AIDA: variants seen among roughly 807,000 people sequenced by gnomAD.
The protein encoded by AIDA is axin interactor, dorsalization-associated protein.
A neutral mutation model predicts 42.7 loss-of-function variants in AIDA; 18 were observed. That is an observed-to-expected ratio of 0.42 (90% CI 0.29 to 0.63). The LOEUF is 0.63. Ranked by LOEUF, AIDA falls within the 20% of genes least tolerant of loss-of-function variation. The probability of loss-of-function intolerance (pLI) is 0.19; values close to 1 mark genes in which losing one functional copy is unlikely to be tolerated. For missense variants in AIDA, 250 were observed against 354.1 expected, an observed-to-expected ratio of 0.71 and a Z score of 2.36; for synonymous variants, 104 against 122.9, an observed-to-expected ratio of 0.85 and a Z score of 1.02.
intron 6 of AIDA, among the ~76,000 whole-genome samples, chr1:222,679,706 A>C (rs1044864872): frequency 6.6e-6 from 1 of 152,158 alleles, no homozygotes; most frequent in Non-Finnish European, 1.5e-5. Flanking sequence ...CATGCTTGTA[A>C]CCACCACACC....
intron 1 of AIDA, among the ~76,000 whole-genome samples, chr1:222,706,196 C>T (rs1240202212): frequency 6.6e-6 from 1 of 152,158 alleles, no homozygotes; most frequent in Non-Finnish European, 1.5e-5. Context: ...TATGAAGAGA[C>T]TGGAACCCTC....
chr1:222,701,343 A>G (rs960900682), intron 2 of AIDA, among the ~76,000 whole-genome samples: 1 of 152,212 alleles, frequency 6.6e-6, no homozygotes, highest in African/African-American at 2.4e-5. Flanking sequence ...CAGAAGTCCT[A>G]TACCTCAGCA....
At chr1:222,693,280 A>G (rs1035443319) in intron 4 of AIDA, among the ~76,000 whole-genome samples, 10 of 152,178 alleles carry the variant, frequency 6.6e-5, no homozygotes, top group Admixed American at 3.9e-4. Flanking sequence ...TGCAAAGAAC[A>G]TTCATCTAAA....
intron 4 of AIDA, among the ~76,000 whole-genome samples, chr1:222,691,781 T>C (rs551517693): frequency 6.7e-6 from 1 of 149,270 alleles, no homozygotes; most frequent in Admixed American, 6.6e-5. Flanking sequence ...CATATAGTAA[T>C]ATTTTAATAA....
intron 1 of AIDA, among the ~76,000 whole-genome samples, chr1:222,704,422 C>T (rs536077516): frequency 6.6e-6 from 1 of 152,236 alleles, no homozygotes; most frequent in South Asian, 2.1e-4. Flanking sequence ...AAATGTCCAT[C>T]AACTGATGGA....
chr1:222,680,595 T>C (rs1465442795), intron 6 of AIDA, among the ~76,000 whole-genome samples: 1 of 152,194 alleles, frequency 6.6e-6, no homozygotes, highest in African/African-American at 2.4e-5. Flanking sequence ...TACTTATTAA[T>C]ATGGTTGTAC....
At chr1:222,695,953 G>A in intron 2 of AIDA, among the ~76,000 whole-genome samples, 1 of 152,092 alleles carries the variant, frequency 6.6e-6, no homozygotes, top group East Asian at 1.9e-4. Context: ...CTGGCCCCTA[G>A]CACTTATGCA....
chr1:222,678,131 T>C (rs1367869775), intron 6 of AIDA, among the ~76,000 whole-genome samples: 1 of 152,066 alleles, frequency 6.6e-6, no homozygotes, highest in Non-Finnish European at 1.5e-5. Context: ...ATAAGGCATC[T>C]GCATGTCTTT....
rs755816474 is a variant in AIDA at position 222,687,043 on chromosome 1, A to C, written c.354-7T>G. ...ACCAGGTGCCAAAATTCTTCTACACAAAAAAAGGGCAGAAAAAACAACAAA... is the reference window on the plus strand; with the variant it reads ...ACCAGGTGCCAAAATTCTTCTACACCAAAAAAGGGCAGAAAAAACAACAAA... On this transcript the variant is annotated splice_polypyrimidine_tract_variant and splice_region_variant and intron_variant, in intron 5 of 9. Coordinates refer to ENST00000340020, the MANE Select transcript of AIDA (RefSeq NM_022831.4). 2 of 1,611,648 alleles carry C rather than the reference A, an allele frequency of 1.2e-6. No homozygotes were observed. Among genetic ancestry groups the C allele is most frequent in the South Asian group, 2.2e-5 (2 of 90,596 alleles).
At chr1:222,686,701 G>A (rs1306996195) in intron 6 of AIDA, among the ~76,000 whole-genome samples, 1 of 152,034 alleles carries the variant, frequency 6.6e-6, no homozygotes, top group East Asian at 1.9e-4. Context: ...CTTGTGAGTT[G>A]TCCTAGTGAA....
intron 4 of AIDA, among the ~76,000 whole-genome samples, chr1:222,689,592 CACAT>C (rs1179312448): frequency 1.4e-5 from 2 of 139,852 alleles, no homozygotes; most frequent in South Asian, 2.3e-4. Context: ...CACACACACA[CACAT>C]ATATATACAC....
At position 222,669,813 on chromosome 1, in the gene AIDA, G is replaced by A. The variant is rs1664412373; in HGVS notation, c.*80C>T. ...ACGGCTTGCTTCCTGCCTGTTGAAG[G>A]GTGAATATGCTACACAGAGCTATGA... On this transcript the variant is annotated 3_prime_UTR_variant, in exon 10 of 10. Coordinates refer to ENST00000340020, the MANE Select transcript of AIDA (RefSeq NM_022831.4). The A allele has an allele frequency of 1.4e-5, 19 of 1,335,372 alleles. No homozygotes were observed. In the South Asian group the frequency reaches 2.5e-4, roughly 17 times the overall value. The allele number at this position is 1,335,372 out of a possible 1,614,324, so 82.7% of individuals were successfully genotyped here. A position where few individuals can be genotyped will look rare whatever the true frequency, so the allele number is the denominator to read the frequency against.
intron 6 of AIDA, among the ~76,000 whole-genome samples, chr1:222,680,055 G>C (rs528671216): frequency 6.6e-6 from 1 of 152,162 alleles, no homozygotes; most frequent in African/African-American, 2.4e-5. Flanking sequence ...CTTTAAATAT[G>C]CACTAAAGAC....
chr1:222,676,052 T>C, intron 7 of AIDA, 44 bp downstream of exon 7: 3 of 1,528,744 alleles, frequency 2.0e-6, no homozygotes, highest in Non-Finnish European at 2.6e-6. Flanking sequence ...GAAGCAACAT[T>C]ATAAAATTCA....
Position 222,682,204 on chromosome 1 carries a change from A to G in AIDA, c.460+4726T>C, listed in dbSNP as rs896944736. Among the ~76,000 whole-genome samples the G allele has an allele frequency of 3.9e-4, 59 of 152,082 alleles. 1 individual carries two copies. Among genetic ancestry groups the G allele is most frequent in the African/African-American group, 1.4e-3 (59 of 41,414 alleles). On this transcript the variant is annotated intron_variant, in intron 6 of 9. Transcript: ENST00000340020. Reference sequence around the variant, plus strand: ...ATTGCTACTGTTTACATCATATACCACCACCAAAGGAAAATTTTTCTTTTG... The same window carrying G: ...ATTGCTACTGTTTACATCATATACCGCCACCAAAGGAAAATTTTTCTTTTG...
intron 6 of AIDA, among the ~76,000 whole-genome samples, chr1:222,676,925 C>CAA (rs113969334): frequency 0.039 from 5,092 of 131,352 alleles, 485 homozygotes; most frequent in East Asian, 0.22. Context: ...AAAAAAACCA[C>CAA]AAAAAAAAAC....
chr1:222,675,391 G>T (rs2124949146), intron 7 of AIDA, among the ~76,000 whole-genome samples: 1 of 152,224 alleles, frequency 6.6e-6, no homozygotes, highest in Admixed American at 6.5e-5. Flanking sequence ...CAACCAATGT[G>T]GTTTCCCTTT....
At position 222,689,520 on chromosome 1, in the gene AIDA, T is replaced by TATATATATATATAC. The variant is rs765351898; in HGVS notation, c.290-1863_290-1862insGTATATATATATAT. 2.1e-3 allele frequency among the ~76,000 whole-genome samples: 120 copies of TATATATATATATAC among 58,020 alleles called. 2 individuals carry two copies. The highest frequency in any genetic ancestry group is 3.2e-3 in the Non-Finnish European group (83 of 26,328). The allele number at this position is 58,020 out of a possible 152,430, so 38.1% of individuals were successfully genotyped here. A position where few individuals can be genotyped will look rare whatever the true frequency, so the allele number is the denominator to read the frequency against. On this transcript the variant is annotated intron_variant, in intron 4 of 9. Transcript: ENST00000340020. The stretch of plus-strand genomic sequence containing the variant: ...ATATATATATATATATATATATATA[T>TATATATATATATAC]ACACACATACACACACACACATATA...
At chr1:222,673,216 GC>G in intron 8 of AIDA, 96 bp downstream of exon 8, 1 of 1,120,642 alleles carries the variant, frequency 8.9e-7, no homozygotes, top group Admixed American at 2.7e-5. Context: ...ATTTACTTCT[GC>G]CAGATACTAA....
Sources: allele counts gnomAD v4.1 joint callset (sites outside exome capture counted in the v4.1 genomes callset), GRCh38; gene constraint gnomAD v4.1.1; transcripts MANE v1.5; gene names NCBI Gene and HGNC (gene_info 2026-07-23, HGNC 2026-07-21).